The following ZNF776 variants were observed in gnomAD, a reference collection of about 807,000 sequenced individuals.
ZNF776 encodes the protein zinc finger protein 776.
In ZNF776, 4 loss-of-function variants were observed where a neutral mutation model predicts 7.0. The ratio of observed to expected loss-of-function variants is 0.57; its 90% CI spans 0.28 to 1.31. The LOEUF (loss-of-function observed/expected upper bound fraction) is 1.31, where lower values mean the gene tolerates loss of function less well. Among genes scored for constraint, ZNF776 ranks in the 50% most tolerant of loss-of-function variants. The probability of loss-of-function intolerance (pLI) is 0.10; values close to 1 mark genes in which losing one functional copy is unlikely to be tolerated. For synonymous variants in ZNF776, 212 were observed against 213.7 expected, an observed-to-expected ratio of 0.99 and a Z score of 0.07; for missense variants, 555 against 625.9, an observed-to-expected ratio of 0.89 and a Z score of 1.21.
chr19:57,751,027 TTAGTTCCCTGGG>T (rs1164455291), intron 2 of ZNF776, 116 bp downstream of exon 2: 5 of 1,265,446 alleles, frequency 4.0e-6, no homozygotes, highest in Non-Finnish European at 5.3e-6. Flanking sequence ...GGTTCCTCTG[TTAGTTCCCTGGG>T]TAGGTTCTAT....
rs777696492 is a variant in ZNF776, at chr19:57,757,301, A to G, written c.*2614A>G. 5.2e-5 allele frequency: 8 copies of G among 154,216 alleles called. No homozygotes were observed. Among genetic ancestry groups the G allele is most frequent in the Middle Eastern group, 3.3e-3 (1 of 302 alleles). The allele number at this position is 154,216 out of a possible 1,614,324, so 9.6% of individuals were successfully genotyped here. A position where few individuals can be genotyped will look rare whatever the true frequency, so the allele number is the denominator to read the frequency against. The stretch of plus-strand genomic sequence containing the variant: ...TCAGGACCTCCATAATTATGAATCT[A>G]GTGTAGCTTAGGTCATTGTCAGACT... On this transcript the variant is annotated 3_prime_UTR_variant, in exon 3 of 3. Coordinates refer to ENST00000317178, the MANE Select transcript of ZNF776 (RefSeq NM_173632.4).
In ZNF776 at chr19:57,754,267, G is replaced by A. The variant is rs755694576; in HGVS notation, c.1137G>A (p.Thr379=). ...VHTGERPFEC[T]ACGKLFRSNS... Reference sequence around the variant, plus strand: ...CTGGAGAAAGACCTTTTGAGTGTACGGCATGTGGGAAGTTATTTAGGAGCA... The same window carrying A: ...CTGGAGAAAGACCTTTTGAGTGTACAGCATGTGGGAAGTTATTTAGGAGCA... The change falls in exon 3 of 3, where the codon ACG becomes ACA. Residue 379 remains threonine, a synonymous_variant. Transcript: ENST00000317178. 9.3e-6 allele frequency: 15 copies of A among 1,611,420 alleles called. No homozygotes were observed. The Admixed American group carries it at 1.7e-4, about 18-fold the overall frequency.
In ZNF776 at chr19:57,754,140, A is replaced by C; in HGVS notation, c.1010A>C (p.His337Pro). The stretch of plus-strand genomic sequence containing the variant: ...TTTAGCCATAAGCGCAGCCTTGTTC[A>C]CCACCAGCGAGTTCACACTGGAGAA... ...KSFSHKRSLV[H>P]HQRVHTGERP... The change falls in exon 3 of 3, where the codon CAC becomes CCC. Residue 337 changes from histidine to proline, a missense_variant. By Grantham distance (77) the His-to-Pro change is moderately conservative (BLOSUM62 -2). Coordinates refer to ENST00000317178, the MANE Select transcript of ZNF776 (RefSeq NM_173632.4). 1.2e-6 allele frequency: 2 copies of C among 1,614,188 alleles called. No homozygotes were observed. Among genetic ancestry groups the C allele is most frequent in the Non-Finnish European group, 1.7e-6 (2 of 1,180,004 alleles).
Position 57,753,436 on chromosome 19 carries a change from C to T in ZNF776, c.306C>T (p.Ile102=), listed in dbSNP as rs576412938. ...WGMCGPLLGD[I]LHQGTQHNQK... ...TGTGTGGCCCTCTCCTGGGAGATAT[C>T]TTACACCAGGGAACACAACACAATC... is the stretch of plus-strand genomic sequence containing the variant. The change falls in exon 3 of 3, where the codon ATC becomes ATT. Residue 102 remains isoleucine (I), a synonymous_variant. Transcript: ENST00000317178. The T allele has an allele frequency of 7.0e-5, 113 of 1,614,154 alleles. 1 individual carries two copies. In the South Asian group the frequency reaches 1.2e-3, roughly 18 times the overall value.
rs1986450711 is a variant in ZNF776, at chr19:57,746,980, G to A, written c.-79G>A. The A allele has an allele frequency of 1.4e-6, 2 of 1,423,724 alleles. No homozygotes were observed. Among genetic ancestry groups the A allele is most frequent in the African/African-American group, 2.9e-5 (2 of 70,110 alleles). The allele number at this position is 1,423,724 out of a possible 1,614,324, so 88.2% of individuals were successfully genotyped here. On this transcript the variant is annotated 5_prime_UTR_variant, in exon 1 of 3. Transcript: ENST00000317178. ...GGCGCTAGGCGTGACCCGCACCAAG[G>A]CCGGGATCGGGACCACCGTGCCCGG...
intron 1 of ZNF776, among the ~76,000 whole-genome samples, chr19:57,748,252 A>G (rs1986498111): frequency 6.6e-6 from 1 of 152,200 alleles, no homozygotes; most frequent in Non-Finnish European, 1.5e-5. Flanking sequence ...CCTAATACAC[A>G]AAGTAAGGGC....
At position 57,753,272 on chromosome 19, in the gene ZNF776, A is replaced by G; in HGVS notation, c.161-19A>G. On this transcript the variant is annotated intron_variant, in intron 2 of 2. Transcript: ENST00000317178. Reference sequence around the variant, plus strand: ...CTTCGGAAGTACCTTGCATTTTACCAGCATTTTATTTCTTTTAGGTTGTTG... The same window carrying G: ...CTTCGGAAGTACCTTGCATTTTACCGGCATTTTATTTCTTTTAGGTTGTTG... 1 of 1,596,150 alleles carries G rather than the reference A, an allele frequency of 6.3e-7. No homozygotes were observed. The highest frequency in any genetic ancestry group is 8.5e-7 in the Non-Finnish European group (1 of 1,170,656).
chr19:57,750,608 C>A (rs182192512), intron 1 of ZNF776, among the ~76,000 whole-genome samples, 177 bp from the exon 2 acceptor site: 30 of 152,270 alleles, frequency 2.0e-4, no homozygotes, highest in African/African-American at 7.2e-4. Context: ...TATTGTTTCA[C>A]CCACTTCTTG....
At chr19:57,751,868 G>GTTTT (rs768825787) in intron 2 of ZNF776, among the ~76,000 whole-genome samples, 1,809 of 67,352 alleles carry the variant, frequency 0.027, 276 homozygotes, top group African/African-American at 0.028. Flanking sequence ...TTTTGGTTTT[G>GTTTT]TTTTTTTTTT....
At position 57,753,873 on chromosome 19, in the gene ZNF776, G is replaced by C; in HGVS notation, c.743G>C (p.Ser248Thr). The change falls in exon 3 of 3, where the codon AGT becomes ACT. Residue 248 changes from serine (S) to threonine (T), a missense_variant. By Grantham distance (58) the Ser-to-Thr change is moderately conservative. Transcript: ENST00000317178. ...GATTCTGGGAAATTCACTAGCAAAA[G>C]TAATAGTTTTAATAATCATCAGGGA... Reference protein sequence around the residue: ...CSDSGKFTSKSNSFNNHQGVR... With the variant: ...CSDSGKFTSKTNSFNNHQGVR... The C allele has an allele frequency of 1.2e-6, 2 of 1,614,208 alleles. No homozygotes were observed. Among genetic ancestry groups the C allele is most frequent in the Non-Finnish European group, 1.7e-6 (2 of 1,180,040 alleles).
chr19:57,753,599 T>G lies in ZNF776; in HGVS notation c.469T>G (p.Phe157Val). The G allele has an allele frequency of 1.2e-6, 2 of 1,614,192 alleles. No individual in the cohort carries two copies. The highest frequency in any genetic ancestry group is 1.7e-6 in the Non-Finnish European group (2 of 1,180,038). Residue 157 changes from phenylalanine (F) to valine (V), a missense_variant, in exon 3 of 3, where the codon TTC (phenylalanine) becomes GTC (valine). Phe to Val is a conservative substitution (Grantham distance 50). Transcript: ENST00000317178. ...AACATCTTTTGTAAAGAACTGTAAATTCCATATGTCACATGAGCCATTTAT... is the reference window on the plus strand; with the variant it reads ...AACATCTTTTGTAAAGAACTGTAAAGTCCATATGTCACATGAGCCATTTAT... Reference protein sequence around the residue: ...KGTSFVKNCKFHMSHEPFIFH... With the variant: ...KGTSFVKNCKVHMSHEPFIFH...
In ZNF776 at chr19:57,756,937, C is replaced by T. The variant is rs1986794615; in HGVS notation, c.*2250C>T. On this transcript the variant is annotated 3_prime_UTR_variant, in exon 3 of 3. Coordinates refer to ENST00000317178, the MANE Select transcript of ZNF776 (RefSeq NM_173632.4). Reference sequence around the variant, plus strand: ...GCATGGTCATACCTCACTGCGGCCTCAAACTCCTGGGCTCAAGTGATCCTC... The same window carrying T: ...GCATGGTCATACCTCACTGCGGCCTTAAACTCCTGGGCTCAAGTGATCCTC... The T allele has an allele frequency of 2.3e-6, 1 of 441,034 alleles. No individual in the cohort carries two copies. Among genetic ancestry groups the T allele is most frequent in the Non-Finnish European group, 4.5e-6 (1 of 220,116 alleles). The allele number at this position is 441,034 out of a possible 1,614,324, so 27.3% of individuals were successfully genotyped here. A position where few individuals can be genotyped will look rare whatever the true frequency, so the allele number is the denominator to read the frequency against.
chr19:57,749,300 G>A lies in ZNF776; in HGVS notation c.34-1485G>A, dbSNP rs138995165. 5.5e-3 allele frequency: 840 copies of A among 152,306 alleles called. 4 individuals carry two copies. Among genetic ancestry groups the A allele is most frequent in the Non-Finnish European group, 9.2e-3 (627 of 68,068 alleles). 9.4% of individuals were successfully genotyped at this position (152,306 alleles called of 1,614,324 possible). On this transcript the variant is annotated intron_variant, in intron 1 of 2. Transcript: ENST00000317178. Reference sequence around the variant, plus strand: ...TGCTCTTTAAATGGCAATGGTATTAGGTGAATGGAAGTTGGTCCGTGTTGC... The same window carrying A: ...TGCTCTTTAAATGGCAATGGTATTAAGTGAATGGAAGTTGGTCCGTGTTGC...
chr19:57,748,320 G>A (rs1463291873), intron 1 of ZNF776, among the ~76,000 whole-genome samples: 1 of 152,188 alleles, frequency 6.6e-6, no homozygotes, highest in African/African-American at 2.4e-5. Flanking sequence ...AGCTATGGAA[G>A]CTGCATCAGC....
At chr19:57,747,599 G>T (rs1475035845) in intron 1 of ZNF776, among the ~76,000 whole-genome samples, 1 of 152,122 alleles carries the variant, frequency 6.6e-6, no homozygotes, top group African/African-American at 2.4e-5. Flanking sequence ...GTACTGAGGC[G>T]CTCAGTTCAG....
At chr19:57,748,001 G>T (rs1986490215) in intron 1 of ZNF776, among the ~76,000 whole-genome samples, 1 of 152,174 alleles carries the variant, frequency 6.6e-6, no homozygotes. Flanking sequence ...TTAGTACCAG[G>T]ATGTGAAATG....
intron 1 of ZNF776, among the ~76,000 whole-genome samples, chr19:57,750,101 T>C (rs1032976555): frequency 1.3e-5 from 2 of 151,982 alleles, no homozygotes; most frequent in Admixed American, 6.6e-5. Context: ...GGGGTGGCCA[T>C]GGGCATGTGT....
chr19:57,754,479 A>T lies in ZNF776; in HGVS notation c.1349A>T (p.His450Leu). The change falls in exon 3 of 3, where the codon CAT becomes CTT. Residue 450 changes from histidine to leucine, a missense_variant. By Grantham distance (99) the His-to-Leu change is moderately conservative. Transcript: ENST00000317178. ...CFHQKGSLIQ[H>L]QQIHSGERPH... ...CATCAAAAGGGCAGTCTCATTCAAC[A>T]TCAGCAGATCCACTCTGGAGAAAGG... 3 of 1,614,216 alleles carry T rather than the reference A, an allele frequency of 1.9e-6. No individual in the cohort carries two copies. Among genetic ancestry groups the T allele is most frequent in the Non-Finnish European group, 2.5e-6 (3 of 1,180,028 alleles).
At chr19:57,750,756 T>C (rs779477227) in intron 1 of ZNF776, 29 bp from the exon 2 acceptor site, 11 of 1,602,304 alleles carry the variant, frequency 6.9e-6, no homozygotes, top group Middle Eastern at 1.7e-4. Flanking sequence ...ATGGAGTGTT[T>C]GTGGTTTCAT....
Sources: allele counts gnomAD v4.1 joint callset (sites outside exome capture counted in the v4.1 genomes callset), GRCh38; gene constraint gnomAD v4.1.1; transcripts MANE v1.5; gene names NCBI Gene and HGNC (gene_info 2026-07-23, HGNC 2026-07-21).